ST3GAL3: variants seen among roughly 807,000 people sequenced by gnomAD.
ST3GAL3 encodes CMP-N-acetylneuraminate-beta-1,4-galactoside alpha-2,3-sialyltransferase.
ST3GAL3 carries 21 observed loss-of-function variants against 50.1 expected under a neutral mutation model. That is an observed-to-expected ratio of 0.42 (90% CI 0.30 to 0.60). The LOEUF (loss-of-function observed/expected upper bound fraction) is 0.60, where lower values mean the gene tolerates loss of function less well. Ranked by LOEUF, ST3GAL3 falls within the 20% of genes least tolerant of loss-of-function variation. The pLI, the probability that ST3GAL3 is intolerant of heterozygous loss-of-function variation, is 0.19. For synonymous variants in ST3GAL3, 183 were observed against 190.0 expected (o/e 0.96, Z 0.30); for missense variants, 353 against 489.4 (o/e 0.72, Z 2.63).
intron 11 of ST3GAL3, among the ~76,000 whole-genome samples, chr1:43,926,979 GCT>G (rs1243108105): frequency 6.6e-6 from 1 of 152,124 alleles, no homozygotes; most frequent in Non-Finnish European, 1.5e-5. Flanking sequence ...TTTGTCTCAT[GCT>G]CCCACTCCAC....
At position 43,736,213 on chromosome 1, in the gene ST3GAL3, C is replaced by T. The variant is rs140732597; in HGVS notation, c.-30-20C>T. The T allele has an allele frequency of 1.7e-4, 281 of 1,608,562 alleles. 1 individual carries two copies. The African/African-American group carries it at 3.5e-3, about 20-fold the overall frequency. On this transcript the variant is annotated intron_variant, in intron 1 of 11. Transcript: ENST00000347631. ...AGATGAGTGCTTTGTCTTTTAAGAA[C>T]TAAACTTTTTCTTTTCTAGGTCATT...
intron 4 of ST3GAL3, among the ~76,000 whole-genome samples, chr1:43,822,673 C>T (rs2062260117): frequency 1.3e-5 from 2 of 152,146 alleles, no homozygotes; most frequent in African/African-American, 4.8e-5. Flanking sequence ...CTACTATATG[C>T]CCAGTGGTGC....
intron 5 of ST3GAL3, among the ~76,000 whole-genome samples, chr1:43,872,214 G>C (rs1164442242): frequency 1.0e-5 from 1 of 97,814 alleles, no homozygotes; most frequent in Non-Finnish European, 2.1e-5. Flanking sequence ...ATTGAGAGGG[G>C]TGTGGGGGGC....
chr1:43,739,953 A>G (rs1244043847), intron 2 of ST3GAL3, among the ~76,000 whole-genome samples: 1 of 152,208 alleles, frequency 6.6e-6, no homozygotes, highest in Non-Finnish European at 1.5e-5. Flanking sequence ...GTATGATAAA[A>G]TATGTACGCA....
chr1:43,917,491 T>TATAATATA (rs1248897586), intron 9 of ST3GAL3, among the ~76,000 whole-genome samples: 5 of 40,790 alleles, frequency 1.2e-4, no homozygotes, highest in Non-Finnish European at 2.8e-4. Flanking sequence ...TAATATATAA[T>TATAATATA]ATATATAATA....
At chr1:43,765,793 GCGCGCGCGTC>G (rs1200087222) in intron 2 of ST3GAL3, among the ~76,000 whole-genome samples, 10 of 146,476 alleles carry the variant, frequency 6.8e-5, no homozygotes, top group South Asian at 2.1e-4. Context: ...GTGCGCGCGC[GCGCGCGCGTC>G]CGCGCGTCCG....
chr1:43,849,007 T>G (rs926567017), intron 5 of ST3GAL3, among the ~76,000 whole-genome samples: 24 of 152,204 alleles, frequency 1.6e-4, no homozygotes, highest in African/African-American at 5.8e-4. Context: ...TCTTATATCT[T>G]CTGTTTCATT....
intron 5 of ST3GAL3, among the ~76,000 whole-genome samples, chr1:43,891,606 A>G (rs750866070): frequency 6.6e-6 from 1 of 152,234 alleles, no homozygotes; most frequent in Non-Finnish European, 1.5e-5. Context: ...AATAATGGCT[A>G]CAAAAATTAC....
At chr1:43,732,413 G>A (rs1014440260) in intron 1 of ST3GAL3, among the ~76,000 whole-genome samples, 1 of 152,194 alleles carries the variant, frequency 6.6e-6, no homozygotes, top group African/African-American at 2.4e-5. Context: ...TGCTCTTGTA[G>A]GGTGGCTTCT....
chr1:43,802,987 G>A (rs1404193499), intron 3 of ST3GAL3, among the ~76,000 whole-genome samples: 2 of 152,020 alleles, frequency 1.3e-5, no homozygotes, highest in Admixed American at 6.6e-5. Context: ...GTGCAATGGC[G>A]CCATCTCGGC....
chr1:43,854,747 C>T (rs564087276), intron 5 of ST3GAL3, among the ~76,000 whole-genome samples: 1 of 152,350 alleles, frequency 6.6e-6, no homozygotes, highest in South Asian at 2.1e-4. Context: ...CAAATCTAAT[C>T]AGCCTATGTT....
At chr1:43,854,078 G>A (rs561837742) in intron 5 of ST3GAL3, among the ~76,000 whole-genome samples, 20 of 152,276 alleles carry the variant, frequency 1.3e-4, no homozygotes, top group African/African-American at 3.4e-4. Context: ...ATTGAGAGGC[G>A]TCCTTGCCAA....
chr1:43,838,420 T>C (rs1037564083), intron 5 of ST3GAL3, 109 bp downstream of exon 5: 5 of 1,051,764 alleles, frequency 4.8e-6, no homozygotes, highest in South Asian at 1.3e-5. Context: ...CTGGAAACCA[T>C]GGGTTCCTGG....
intron 5 of ST3GAL3, among the ~76,000 whole-genome samples, chr1:43,884,071 A>G (rs559512762): frequency 6.6e-6 from 1 of 152,354 alleles, no homozygotes; most frequent in African/African-American, 2.4e-5. Flanking sequence ...TCTTGAGGAA[A>G]GGACCAAGCC....
At chr1:43,851,097 G>A (rs1367129199) in intron 5 of ST3GAL3, 1 of 944,668 alleles carries the variant, frequency 1.1e-6, no homozygotes, top group Non-Finnish European at 1.7e-6. Flanking sequence ...CAGTTTTTCT[G>A]CAGCGGGGCA....
intron 5 of ST3GAL3, 168 bp downstream of exon 5, chr1:43,838,479 C>T (rs541171658): frequency 2.1e-4 from 139 of 666,030 alleles, no homozygotes; most frequent in Non-Finnish European, 3.5e-4. Context: ...TACTCCATGC[C>T]GTTGCTTTGC....
At chr1:43,732,045 A>G (rs962126213) in intron 1 of ST3GAL3, among the ~76,000 whole-genome samples, 2 of 152,180 alleles carry the variant, frequency 1.3e-5, no homozygotes, top group African/African-American at 2.4e-5. Context: ...CCATATATGT[A>G]CATACTATTC....
At chr1:43,754,936 A>AAC (rs398039953) in intron 2 of ST3GAL3, among the ~76,000 whole-genome samples, 1 of 152,020 alleles carries the variant, frequency 6.6e-6, no homozygotes, top group Admixed American at 6.6e-5. Context: ...AAAAAAAAAA[A>AAC]CATAATAAAA....
chr1:43,890,239 A>G (rs1162035120), intron 5 of ST3GAL3, among the ~76,000 whole-genome samples: 2 of 152,206 alleles, frequency 1.3e-5, no homozygotes, highest in African/African-American at 2.4e-5. Context: ...TTATGGATGA[A>G]ATGGCATAAT....
Sources: allele counts gnomAD v4.1 joint callset (sites outside exome capture counted in the v4.1 genomes callset), GRCh38; gene constraint gnomAD v4.1.1; transcripts MANE v1.5; gene names NCBI Gene and HGNC (gene_info 2026-07-23, HGNC 2026-07-21).